PCDH15: variants seen among roughly 807,000 people sequenced by gnomAD.
The protein encoded by PCDH15 is protocadherin-15.
A neutral mutation model predicts 178.5 loss-of-function variants in PCDH15; 129 were observed. That is an observed-to-expected ratio of 0.72 (90% confidence interval 0.63 to 0.84). PCDH15 has a LOEUF of 0.84. Ranked by LOEUF, PCDH15 falls within the 40% of genes least tolerant of loss-of-function variation. The pLI is 0.00. For synonymous variants in PCDH15, 800 were observed against 732.0 expected (o/e 1.09, Z -1.50); for missense variants, 2,230 against 2,099.9 (o/e 1.06, Z -1.21).
intron 15 of PCDH15, among the ~76,000 whole-genome samples, chr10:54,116,716 A>G (rs932390545): frequency 2.0e-5 from 3 of 152,212 alleles, no homozygotes; most frequent in Non-Finnish European, 4.4e-5. Context: ...TCCAATAACC[A>G]GTGTCATTCT....
intron 8 of PCDH15, among the ~76,000 whole-genome samples, chr10:54,306,322 G>A (rs191972229): frequency 1.3e-5 from 2 of 152,140 alleles, no homozygotes; most frequent in East Asian, 1.9e-4. Flanking sequence ...TAAAATGTGT[G>A]CGTATGTATG....
intron 2 of PCDH15, among the ~76,000 whole-genome samples, chr10:55,083,237 G>A (rs1041930266): frequency 1.3e-5 from 2 of 151,760 alleles, no homozygotes; most frequent in Non-Finnish European, 2.9e-5. Context: ...GAGATGCAAG[G>A]ATGGTTCAAC....
chr10:54,491,374 T>A (rs117679332), intron 3 of PCDH15, among the ~76,000 whole-genome samples: 3,194 of 151,666 alleles, frequency 0.021, 47 homozygotes, highest in South Asian at 0.054. Context: ...ATGATCAAAT[T>A]CACACAGTTA....
At chr10:55,359,454 G>A (rs1845167513) in intron 2 of PCDH15, among the ~76,000 whole-genome samples, 1 of 151,790 alleles carries the variant, frequency 6.6e-6, no homozygotes, top group Admixed American at 6.6e-5. Context: ...TGGTGAGGAT[G>A]TGGAAAAATG....
At chr10:54,064,894 C>A (rs1450946371) in intron 18 of PCDH15, among the ~76,000 whole-genome samples, 1 of 152,160 alleles carries the variant, frequency 6.6e-6, no homozygotes, top group Non-Finnish European at 1.5e-5. Flanking sequence ...GAGCTACACC[C>A]AGGATGGCAG....
intron 18 of PCDH15, among the ~76,000 whole-genome samples, chr10:54,052,872 T>C (rs1232226977): frequency 1.3e-5 from 2 of 152,172 alleles, no homozygotes; most frequent in Non-Finnish European, 2.9e-5. Context: ...ACCTCCATGC[T>C]GTTCTCATGA....
chr10:53,883,905 G>A (rs760259976), intron 26 of PCDH15, among the ~76,000 whole-genome samples: 8 of 152,152 alleles, frequency 5.3e-5, no homozygotes, highest in East Asian at 1.9e-4. Context: ...TAGTAGAGAC[G>A]GGCTTTCACC....
At chr10:55,031,370 T>G (rs1239826108) in intron 2 of PCDH15, among the ~76,000 whole-genome samples, 1 of 152,142 alleles carries the variant, frequency 6.6e-6, no homozygotes, top group Non-Finnish European at 1.5e-5. Context: ...CAGCTAAAAG[T>G]AAGACAATCA....
chr10:55,190,168 A>T (rs1434799044), intron 1 of PCDH15, among the ~76,000 whole-genome samples: 2 of 151,676 alleles, frequency 1.3e-5, no homozygotes, highest in East Asian at 3.9e-4. Context: ...TCATGATTTT[A>T]TTTGTATGAA....
intron 2 of PCDH15, among the ~76,000 whole-genome samples, chr10:55,076,170 C>G (rs1591882887): frequency 6.6e-6 from 1 of 152,164 alleles, no homozygotes; most frequent in East Asian, 1.9e-4. Context: ...ATTCTAGAGA[C>G]TGTTCCATGT....
At chr10:55,041,834 TATAAA>T (rs1840869511) in intron 2 of PCDH15, among the ~76,000 whole-genome samples, 1 of 152,156 alleles carries the variant, frequency 6.6e-6, no homozygotes, top group Non-Finnish European at 1.5e-5. Context: ...TTTTTTAACT[TATAAA>T]CAAGTTCTGC....
At chr10:53,970,677 T>C (rs2446605) in intron 21 of PCDH15, among the ~76,000 whole-genome samples, 106,936 of 151,628 alleles carry the variant, frequency 0.71, 38,086 homozygotes, top group East Asian at 0.87. Flanking sequence ...GCAAATAAGC[T>C]AGAAAGTCTA....
rs541323041 is a variant in PCDH15, at chr10:55,340,971, T to G, written c.-155-174320A>C. ...CCCCAGGATTCCAAAATTTACACAA[T>G]TTGAAATCTCATTTTCTTTTATTTT... On this transcript the variant is annotated intron_variant, in intron 2 of 5. Coordinates refer to the PCDH15 transcript ENST00000613346. Among the ~76,000 whole-genome samples the G allele has an allele frequency of 1.6e-4, 24 of 152,114 alleles. No individual in the cohort carries two copies. The South Asian group carries it at 4.8e-3, about 30-fold the overall frequency.
At chr10:55,335,256 GATGGAGAT>G (rs1460588579) in intron 2 of PCDH15, among the ~76,000 whole-genome samples, 1 of 152,124 alleles carries the variant, frequency 6.6e-6, no homozygotes, top group Non-Finnish European at 1.5e-5. Context: ...CTTACTAAAT[GATGGAGAT>G]ATGGAGAGCC....
chr10:53,911,873 A>G (rs2083119165), intron 25 of PCDH15, among the ~76,000 whole-genome samples: 1 of 152,224 alleles, frequency 6.6e-6, no homozygotes, highest in African/African-American at 2.4e-5. Flanking sequence ...AGGTACAAAG[A>G]GGAGCTGGTA....
chr10:55,351,192 C>T (rs1844923591), intron 2 of PCDH15, among the ~76,000 whole-genome samples: 1 of 151,350 alleles, frequency 6.6e-6, no homozygotes, highest in Admixed American at 6.6e-5. Flanking sequence ...TCTCTGCATT[C>T]TTCCAAACTA....
chr10:55,084,381 T>C (rs976459613), intron 2 of PCDH15, among the ~76,000 whole-genome samples: 50 of 151,266 alleles, frequency 3.3e-4, no homozygotes, highest in Non-Finnish European at 6.5e-4. Flanking sequence ...TACAGAAGAA[T>C]GAAACTAGAC....
intron 28 of PCDH15, among the ~76,000 whole-genome samples, chr10:53,843,851 A>G (rs925113841): frequency 6.6e-6 from 1 of 152,098 alleles, no homozygotes; most frequent in Non-Finnish European, 1.5e-5. Flanking sequence ...TGTTTATTCA[A>G]TGCCTATCCT....
intron 1 of PCDH15, chr10:55,627,796 G>A (rs1163088275): frequency 2.0e-5 from 3 of 152,356 alleles, no homozygotes; most frequent in African/African-American, 7.2e-5. Context: ...GACACACAAG[G>A]ATGGTGATCA....
Sources: allele counts gnomAD v4.1 joint callset (sites outside exome capture counted in the v4.1 genomes callset), GRCh38; gene constraint gnomAD v4.1.1; transcripts MANE v1.5; gene names NCBI Gene and HGNC (gene_info 2026-07-23, HGNC 2026-07-21).